Variants in LRRN3 observed in about 807,000 individuals in gnomAD.
The protein encoded by LRRN3 is leucine rich repeat neuronal 3.
Under a neutral mutation model 40.1 loss-of-function variants are expected in LRRN3, and 15 were observed. The observed-to-expected ratio is 0.37, with a 90% confidence interval of 0.25 to 0.58. LRRN3 has a LOEUF of 0.58. LRRN3 is among the 20% of genes least tolerant of loss of function. LRRN3 has a pLI of 0.72. For synonymous variants in LRRN3, 308 were observed against 297.2 expected, an observed-to-expected ratio of 1.04 and a Z score of -0.37; for missense variants, 746 against 837.7, an observed-to-expected ratio of 0.89 and a Z score of 1.35.
intron 2 of LRRN3, among the ~76,000 whole-genome samples, chr7:111,108,125 C>T (rs1453651897): frequency 2.6e-5 from 4 of 151,716 alleles, no homozygotes; most frequent in Non-Finnish European, 4.4e-5. Context: ...ATTCTTAACC[C>T]CAGTCTGGGT....
intron 2 of LRRN3, among the ~76,000 whole-genome samples, chr7:111,103,963 A>G (rs1798259535): frequency 6.6e-6 from 1 of 151,590 alleles, no homozygotes; most frequent in South Asian, 2.1e-4. Flanking sequence ...TTGTATTGGC[A>G]ATTCAAGAAA....
chr7:111,107,801 T>A (rs1049831244), intron 2 of LRRN3, among the ~76,000 whole-genome samples: 3 of 152,144 alleles, frequency 2.0e-5, no homozygotes, highest in African/African-American at 7.2e-5. Flanking sequence ...TTGCAACATT[T>A]CAAAGCTCTT....
chr7:111,098,429 A>C (rs1420965906), intron 1 of LRRN3, among the ~76,000 whole-genome samples: 2 of 151,842 alleles, frequency 1.3e-5, no homozygotes, highest in Non-Finnish European at 2.9e-5. Flanking sequence ...TATTTAGGCT[A>C]TAAATTATAC....
chr7:111,092,915 T>C (rs1797015839), intron 1 of LRRN3, among the ~76,000 whole-genome samples: 1 of 152,222 alleles, frequency 6.6e-6, no homozygotes, highest in South Asian at 2.1e-4. Flanking sequence ...TCAGCTTCTT[T>C]GAAACTGTGG....
intron 1 of LRRN3, among the ~76,000 whole-genome samples, chr7:111,099,314 A>C (rs1318032721): frequency 1.3e-5 from 2 of 151,738 alleles, no homozygotes; most frequent in Non-Finnish European, 3.0e-5. Context: ...TAAATGATGA[A>C]GATGAAAATA....
chr7:111,122,639 A>G lies in LRRN3; in HGVS notation c.-134A>G. ...ACTGGCACTTATTTCAGTGAAGAAA[A>G]ACTTTGTGGTTCTATGGCATTCATC... On this transcript the variant is annotated 5_prime_UTR_variant, in exon 3 of 3. Transcript: ENST00000308478. 1 of 691,650 alleles carries G rather than the reference A, an allele frequency of 1.4e-6. No homozygotes were observed. The highest frequency in any genetic ancestry group is 2.4e-6 in the Non-Finnish European group (1 of 408,234). The allele number at this position is 691,650 out of a possible 1,614,324, so 42.8% of individuals were successfully genotyped here.
In LRRN3 at chr7:111,123,732, T is replaced by C. The variant is rs755584386; in HGVS notation, c.960T>C (p.Pro320=). The change falls in exon 3 of 3, where the codon CCT becomes CCC. Residue 320 remains proline, a synonymous_variant. Transcript: ENST00000308478. The surrounding 1 kb of genome is among the most constrained non-coding windows in gnomAD (Gnocchi z 6.4). ...GAAAAATAGAAGCTACTAACAACCCTAGATTGTCTTACATTCACCCCAATG... is the reference window on the plus strand; with the variant it reads ...GAAAAATAGAAGCTACTAACAACCCCAGATTGTCTTACATTCACCCCAATG... ...DLRKIEATNN[P]RLSYIHPNAF... 3.1e-6 allele frequency: 5 copies of C among 1,613,780 alleles called. No individual in the cohort carries two copies. The highest frequency in any genetic ancestry group is 1.3e-5 in the African/African-American group (1 of 74,892).
intron 1 of LRRN3, among the ~76,000 whole-genome samples, chr7:111,094,543 CTAAATAAAGCAGG>C (rs1344047108): frequency 6.6e-6 from 1 of 152,070 alleles, no homozygotes; most frequent in Non-Finnish European, 1.5e-5. Flanking sequence ...GTACATGAAA[CTAAATAAAGCAGG>C]TAAACTCTAG....
intron 2 of LRRN3, among the ~76,000 whole-genome samples, chr7:111,113,242 A>G (rs966804908): frequency 3.9e-5 from 6 of 152,174 alleles, no homozygotes; most frequent in African/African-American, 1.4e-4. Context: ...GTGACTTTCT[A>G]TTCTGTCAAA....
chr7:111,119,958 G>C (rs1041136221), intron 2 of LRRN3, among the ~76,000 whole-genome samples: 3 of 152,136 alleles, frequency 2.0e-5, no homozygotes, highest in Admixed American at 6.6e-5. Context: ...GGAGATTCTT[G>C]AACTGAGGTT....
At chr7:111,103,667 C>T (rs923882625) in intron 2 of LRRN3, among the ~76,000 whole-genome samples, 25 of 151,718 alleles carry the variant, frequency 1.6e-4, no homozygotes, top group African/African-American at 6.0e-4. Flanking sequence ...AGTTCTTATC[C>T]GTATGATGAC....
In LRRN3 at chr7:111,124,641, G is replaced by T; in HGVS notation, c.1869G>T (p.Lys623Asn). 1 of 1,613,910 alleles carries T rather than the reference G, an allele frequency of 6.2e-7. No homozygotes were observed. Among genetic ancestry groups the T allele is most frequent in the East Asian group, 2.2e-5 (1 of 44,848 alleles). The change falls in exon 3 of 3, where the codon AAG (lysine) becomes AAT (asparagine). Residue 623 changes from lysine to asparagine, a missense_variant. Coordinates refer to ENST00000308478, the MANE Select transcript of LRRN3 (RefSeq NM_001099658.2). The part of the protein sequence containing the change: ...GLHPDQKEYE[K>N]NNTTTLMACL... ...ACCCTGATCAAAAAGAGTATGAAAA[G>T]AATAATACCACAACACTTATGGCCT...
chr7:111,094,401 T>C (rs895869567), intron 1 of LRRN3, among the ~76,000 whole-genome samples: 5 of 152,092 alleles, frequency 3.3e-5, no homozygotes, highest in African/African-American at 1.2e-4. Context: ...TCAGTAAGGA[T>C]GCTCCTCTAA....
At chr7:111,103,618 A>G (rs767925195) in intron 2 of LRRN3, among the ~76,000 whole-genome samples, 16 of 151,594 alleles carry the variant, frequency 1.1e-4, no homozygotes, top group Non-Finnish European at 1.5e-4. Context: ...CTGTTCCAAT[A>G]TTTTCACCTG....
intron 2 of LRRN3, among the ~76,000 whole-genome samples, chr7:111,114,047 A>T (rs1457155575): frequency 1.3e-5 from 2 of 152,130 alleles, no homozygotes; most frequent in African/African-American, 4.8e-5. Flanking sequence ...ACAAAATGGG[A>T]AATTTTAATG....
chr7:111,093,704 G>A (rs571789907), intron 1 of LRRN3, among the ~76,000 whole-genome samples: 56 of 152,232 alleles, frequency 3.7e-4, no homozygotes, highest in African/African-American at 1.3e-3. Context: ...CCAGGCCCCC[G>A]GTGTTGCCAC....
intron 2 of LRRN3, among the ~76,000 whole-genome samples, chr7:111,104,592 A>G (rs906721100): frequency 6.6e-6 from 1 of 151,708 alleles, no homozygotes; most frequent in African/African-American, 2.4e-5. Context: ...TAAATAACAG[A>G]AAAGTCTCAT....
intron 2 of LRRN3, among the ~76,000 whole-genome samples, chr7:111,105,453 G>A (rs1057152008): frequency 1.3e-5 from 2 of 151,764 alleles, no homozygotes; most frequent in South Asian, 4.1e-4. Context: ...GACTGCATAC[G>A]TTACCATCTT....
chr7:111,123,080 A>G lies in LRRN3; in HGVS notation c.308A>G (p.Asn103Ser), dbSNP rs1166699018. Reference sequence around the variant, plus strand: ...ACTGGCCTGGATTTATCTCAAAACAATTTATCTTCAGTCACCAATATTAAT... The same window carrying G: ...ACTGGCCTGGATTTATCTCAAAACAGTTTATCTTCAGTCACCAATATTAAT... Reference protein sequence around the residue: ...NLTGLDLSQNNLSSVTNINVK... With the variant: ...NLTGLDLSQNSLSSVTNINVK... The change falls in exon 3 of 3, where the codon AAT becomes AGT. Residue 103 changes from asparagine to serine, a missense_variant. Transcript: ENST00000308478. The surrounding 1 kb of genome is among the most constrained non-coding windows in gnomAD (Gnocchi z 6.4). 1 of 1,613,828 alleles carries G rather than the reference A, an allele frequency of 6.2e-7. No homozygotes were observed. The highest frequency in any genetic ancestry group is 8.5e-7 in the Non-Finnish European group (1 of 1,179,924).
Sources: allele counts gnomAD v4.1 joint callset (sites outside exome capture counted in the v4.1 genomes callset), GRCh38; gene constraint gnomAD v4.1.1; non-coding constraint Gnocchi (gnomAD v3.1); transcripts MANE v1.5; gene names NCBI Gene and HGNC (gene_info 2026-07-23, HGNC 2026-07-21).